Variants in PCDHGB6 observed in about 807,000 individuals in gnomAD.
The protein encoded by PCDHGB6 is protocadherin gamma subfamily B, 6.
PCDHGB6 carries 51 observed loss-of-function variants against 59.1 expected under a neutral mutation model. The ratio of observed to expected loss-of-function variants is 0.86; its 90% CI spans 0.69 to 1.09. The LOEUF is 1.09. Ranked by LOEUF, PCDHGB6 falls within the 50% of genes least tolerant of loss-of-function variation. The pLI, the probability that PCDHGB6 is intolerant of heterozygous loss-of-function variation, is 0.00. For synonymous variants in PCDHGB6, 466 were observed against 495.1 expected (o/e 0.94, Z 0.78); for missense variants, 1,148 against 1,205.1 (o/e 0.95, Z 0.70).
chr5:141,428,067 G>GC, intron 1 of PCDHGB6: 2 of 1,609,228 alleles, frequency 1.2e-6, no homozygotes, highest in Non-Finnish European at 1.7e-6. Context: ...GGTGGACGCA[G>GC]ATTCGGGACA....
In PCDHGB6 at chr5:141,489,198, C is replaced by G; in HGVS notation, c.2419-5609C>G. 1 of 1,392,402 alleles carries G rather than the reference C, an allele frequency of 7.2e-7. No individual in the cohort carries two copies. Among genetic ancestry groups the G allele is most frequent in the South Asian group, 1.4e-5 (1 of 71,348 alleles). The allele number at this position is 1,392,402 out of a possible 1,614,324, so 86.3% of individuals were successfully genotyped here. A position where few individuals can be genotyped will look rare whatever the true frequency, so the allele number is the denominator to read the frequency against. On this transcript the variant is annotated intron_variant, in intron 1 of 3. Coordinates refer to ENST00000520790, the MANE Select transcript of PCDHGB6 (RefSeq NM_018926.3). This position sits in a 1 kb window ranked among gnomAD's most constrained non-coding sequence, Gnocchi z 4.5. ...CCAAGCCCTGGGTCTACCTTGGAGA[C>G]AGGACAGCACAGACTTACTCTCCAC...
At chr5:141,496,817 T>C (rs2099771666) in intron 2 of PCDHGB6, among the ~76,000 whole-genome samples, 1 of 151,020 alleles carries the variant, frequency 6.6e-6, no homozygotes, top group Non-Finnish European at 1.5e-5. Flanking sequence ...AGTGAACAAG[T>C]AGATGTGATC....
intron 1 of PCDHGB6, among the ~76,000 whole-genome samples, chr5:141,484,202 T>C (rs2099593138): frequency 6.6e-6 from 1 of 152,214 alleles, no homozygotes; most frequent in Non-Finnish European, 1.5e-5. Context: ...ATTAAATCTA[T>C]GAACATTAGC....
chr5:141,440,181 G>A (rs1419736461), intron 1 of PCDHGB6: 7 of 152,312 alleles, frequency 4.6e-5, no homozygotes, highest in Non-Finnish European at 8.8e-5. Context: ...CTTTGAAATA[G>A]TTGAAGGCCA....
chr5:141,417,842 C>G (rs1247720013), intron 1 of PCDHGB6: 2 of 1,537,166 alleles, frequency 1.3e-6, no homozygotes, highest in Admixed American at 2.0e-5. Flanking sequence ...GGGGACCCAG[C>G]GAGAACCCGA....
In PCDHGB6 at chr5:141,432,357, T is replaced by C. The variant is rs778669079; in HGVS notation, c.2418+21737T>C. 6.2e-7 allele frequency: 1 copy of C among 1,614,244 alleles called. No homozygotes were observed. Among genetic ancestry groups the C allele is most frequent in the African/African-American group, 1.3e-5 (1 of 75,072 alleles). The stretch of plus-strand genomic sequence containing the variant: ...TTCCGAGACTTGCAAGTGAAAGTGA[T>C]GGCGCGGGACAACGGGCACCCGCCC... On this transcript the variant is annotated intron_variant, in intron 1 of 3. Coordinates refer to ENST00000520790, the MANE Select transcript of PCDHGB6 (RefSeq NM_018926.3). This position sits in a 1 kb window ranked among gnomAD's most constrained non-coding sequence, Gnocchi z 6.0.
At chr5:141,441,852 G>A in intron 1 of PCDHGB6, 1 of 352,826 alleles carries the variant, frequency 2.8e-6, no homozygotes, top group South Asian at 2.4e-5. Flanking sequence ...TGGATATGGT[G>A]CTGCACGCCG....
chr5:141,465,923 C>A (rs908350232), intron 1 of PCDHGB6, among the ~76,000 whole-genome samples: 2 of 152,062 alleles, frequency 1.3e-5, no homozygotes, highest in African/African-American at 4.8e-5. Flanking sequence ...GATTTCGAGT[C>A]CATCCTGGCT....
At chr5:141,501,470 TG>T (rs1206698871) in intron 2 of PCDHGB6, among the ~76,000 whole-genome samples, 1 of 152,068 alleles carries the variant, frequency 6.6e-6, no homozygotes, top group African/African-American at 2.4e-5. Flanking sequence ...CCCCAAATCC[TG>T]GAAGAGTCCC....
At chr5:141,495,419 C>A (rs1434107823) in intron 2 of PCDHGB6, among the ~76,000 whole-genome samples, 1 of 152,228 alleles carries the variant, frequency 6.6e-6, no homozygotes, top group Non-Finnish European at 1.5e-5. Context: ...CCGGCCCCTC[C>A]TCCCACTGTC....
intron 1 of PCDHGB6, among the ~76,000 whole-genome samples, chr5:141,458,695 G>A (rs551105765): frequency 2.0e-5 from 3 of 151,852 alleles, no homozygotes; most frequent in Non-Finnish European, 2.9e-5. Context: ...TCAGCCTCCC[G>A]AGTAGCTGGG....
chr5:141,427,013 T>A, intron 1 of PCDHGB6: 2 of 456,846 alleles, frequency 4.4e-6, no homozygotes, highest in Non-Finnish European at 8.8e-6. Flanking sequence ...TTAGCCAGGA[T>A]GTATACAAAG....
intron 1 of PCDHGB6, among the ~76,000 whole-genome samples, chr5:141,447,234 G>T (rs534523483): frequency 9.9e-4 from 150 of 152,170 alleles, no homozygotes; most frequent in Non-Finnish European, 1.8e-3. Flanking sequence ...CCGCCTCCCG[G>T]GTTCAAGTGA....
intron 1 of PCDHGB6, among the ~76,000 whole-genome samples, chr5:141,469,684 T>C (rs1471928749): frequency 6.6e-6 from 1 of 152,256 alleles, no homozygotes; most frequent in Non-Finnish European, 1.5e-5. Flanking sequence ...ACATATGCAT[T>C]GGTCCTATGA....
chr5:141,511,374 CA>C lies in PCDHGB6; in HGVS notation c.*202del. ...CCCCAGGGGGTTGAATATGCAAAAG[CA>C]GTTCCGCTGGGAACCCCCATCCAAT... On this transcript the variant is annotated 3_prime_UTR_variant, in exon 4 of 4. Coordinates refer to ENST00000520790, the MANE Select transcript of PCDHGB6 (RefSeq NM_018926.3). The C allele has an allele frequency of 8.0e-7, 1 of 1,242,392 alleles. No individual in the cohort carries two copies. 77.0% of individuals were successfully genotyped at this position (1,242,392 alleles called of 1,614,324 possible).
At position 141,485,892 on chromosome 5, in the gene PCDHGB6, C is replaced by T; in HGVS notation, c.2419-8915C>T. On this transcript the variant is annotated intron_variant, in intron 1 of 3. Coordinates refer to ENST00000520790, the MANE Select transcript of PCDHGB6 (RefSeq NM_018926.3). The surrounding 1 kb of genome is among the most constrained non-coding windows in gnomAD (Gnocchi z 5.7). ...GTGCTGGACGTAAACGACAACGCCC[C>T]AGCCTTCCAGCAATCCAGCTACAGG... is the stretch of plus-strand genomic sequence containing the variant. 6.2e-7 allele frequency: 1 copy of T among 1,614,194 alleles called. No individual in the cohort carries two copies.
Position 141,485,432 on chromosome 5 carries a change from A to C in PCDHGB6, c.2419-9375A>C. The C allele has an allele frequency of 6.2e-7, 1 of 1,614,178 alleles. No individual in the cohort carries two copies. Among genetic ancestry groups the C allele is most frequent in the Non-Finnish European group, 8.5e-7 (1 of 1,180,028 alleles). ...TTTGGACAGCGGAGCCCTGCTCATC[A>C]AGAACCCAATCGACCGAGAGGCACT... On this transcript the variant is annotated intron_variant, in intron 1 of 3. Transcript: ENST00000520790. The surrounding 1 kb of genome is among the most constrained non-coding windows in gnomAD (Gnocchi z 5.7).
At chr5:141,446,718 C>T (rs1279970040) in intron 1 of PCDHGB6, among the ~76,000 whole-genome samples, 4 of 152,174 alleles carry the variant, frequency 2.6e-5, no homozygotes, top group South Asian at 2.1e-4. Flanking sequence ...CTGCCCGCCT[C>T]GGCCTCCCAA....
Position 141,491,454 on chromosome 5 carries a change from C to T in PCDHGB6, c.2419-3353C>T. The T allele has an allele frequency of 1.9e-6, 3 of 1,614,120 alleles. No individual in the cohort carries two copies. The highest frequency in any genetic ancestry group is 2.5e-6 in the Non-Finnish European group (3 of 1,180,032). On this transcript the variant is annotated intron_variant, in intron 1 of 3. Coordinates refer to ENST00000520790, the MANE Select transcript of PCDHGB6 (RefSeq NM_018926.3). This position sits in a 1 kb window ranked among gnomAD's most constrained non-coding sequence, Gnocchi z 6.9. ...GCTGCAGGCGCCAGGACTCACCCTCCCCGGACTTCTATAAGCAGTCCAGCC... is the reference window on the plus strand; with the variant it reads ...GCTGCAGGCGCCAGGACTCACCCTCTCCGGACTTCTATAAGCAGTCCAGCC...
Sources: gnomAD v4.1 joint callset for allele counts (sites outside exome capture counted in the v4.1 genomes callset) on GRCh38, gnomAD v4.1.1 for gene constraint, Gnocchi (gnomAD v3.1) non-coding constraint, MANE v1.5 for transcripts, NCBI Gene and HGNC (gene_info 2026-07-23, HGNC 2026-07-21) for gene names.